The following CHORDC1 variants were observed in gnomAD, a reference collection of about 807,000 sequenced individuals.
The protein encoded by CHORDC1 is cysteine and histidine-rich domain-containing protein 1.
Under a neutral mutation model 48.3 loss-of-function variants are expected in CHORDC1, and 25 were observed. That is an observed-to-expected ratio of 0.52 (90% confidence interval 0.38 to 0.72). The LOEUF is 0.72. Among genes scored for constraint, CHORDC1 ranks in the 30% least tolerant of loss-of-function variants. CHORDC1 has a pLI of 0.00. For missense variants in CHORDC1, 317 were observed against 388.7 expected, an observed-to-expected ratio of 0.82 and a Z score of 1.55; for synonymous variants, 128 against 126.4, an observed-to-expected ratio of 1.01 and a Z score of -0.09.
chr11:90,223,015 G>C lies in CHORDC1; in HGVS notation c.-61C>G, dbSNP rs1288962457. 1.3e-5 allele frequency: 19 copies of C among 1,425,030 alleles called. No homozygotes were observed. The highest frequency in any genetic ancestry group is 1.8e-5 in the Non-Finnish European group (18 of 1,010,874). 88.3% of individuals were successfully genotyped at this position (1,425,030 alleles called of 1,614,324 possible). ...CCGGGAACGGCAAGAGGATGCGTTT[G>C]CCACTCCCGTGTCGCTAGCACCGGT... On this transcript the variant is annotated 5_prime_UTR_variant, in exon 1 of 11. Coordinates refer to ENST00000320585, the MANE Select transcript of CHORDC1 (RefSeq NM_012124.3).
chr11:90,219,353 A>C (rs1429376220), intron 1 of CHORDC1, among the ~76,000 whole-genome samples: 1 of 152,116 alleles, frequency 6.6e-6, no homozygotes, highest in Non-Finnish European at 1.5e-5. Context: ...TCCCCACTAC[A>C]CCATCAATCT....
At chr11:90,206,416 C>G (rs1484085408) in intron 6 of CHORDC1, 144 bp from the exon 7 acceptor site, 1 of 576,692 alleles carries the variant, frequency 1.7e-6, no homozygotes, top group Non-Finnish European at 3.1e-6. Context: ...CCATCCCACG[C>G]CATTCTGTTA....
chr11:90,203,650 C>T (rs1433430865), intron 8 of CHORDC1, among the ~76,000 whole-genome samples: 1 of 151,984 alleles, frequency 6.6e-6, no homozygotes, highest in African/African-American at 2.4e-5. Flanking sequence ...ACACTTACTC[C>T]TTCCCTTTGT....
At chr11:90,210,676 C>A in intron 5 of CHORDC1, 82 bp from the exon 6 acceptor site, 6 of 833,356 alleles carry the variant, frequency 7.2e-6, no homozygotes, top group East Asian at 2.7e-5. Flanking sequence ...TAGGTTTTTC[C>A]AGAAAACAAT....
chr11:90,206,272 T>C lies in CHORDC1; in HGVS notation c.493A>G (p.Thr165Ala), dbSNP rs1464508430. The C allele has an allele frequency of 1.3e-6, 2 of 1,527,864 alleles. No homozygotes were observed. Among genetic ancestry groups the C allele is most frequent in the Non-Finnish European group, 1.8e-6 (2 of 1,104,208 alleles). The allele number at this position is 1,527,864 out of a possible 1,614,324, so 94.6% of individuals were successfully genotyped here. A position where few individuals can be genotyped will look rare whatever the true frequency, so the allele number is the denominator to read the frequency against. The stretch of plus-strand genomic sequence containing the variant: ...TCTAGACTCTCTAGACCCTGGTATG[T>C]CTAAAAAGGAAACAAAGAGAAAAAA... ...TSCKNGGCSK[T>A]YQGLESLEEV... is the part of the protein sequence containing the mutation. Residue 165 changes from threonine (T) to alanine (A), a missense_variant and splice_region_variant, in exon 7 of 11, where the codon ACA (threonine) becomes GCA (alanine). By Grantham distance (58) the Thr-to-Ala change is moderately conservative (BLOSUM62 0). Coordinates refer to ENST00000320585, the MANE Select transcript of CHORDC1 (RefSeq NM_012124.3).
chr11:90,203,540 T>A, intron 8 of CHORDC1, 113 bp from the exon 9 acceptor site: 2 of 980,682 alleles, frequency 2.0e-6, no homozygotes, highest in Non-Finnish European at 2.9e-6. Flanking sequence ...ACTAAGCACT[T>A]AATGTTTAAG....
chr11:90,211,476 C>A, intron 4 of CHORDC1, 158 bp from the exon 5 acceptor site: 1 of 562,622 alleles, frequency 1.8e-6, no homozygotes, highest in Non-Finnish European at 3.2e-6. Flanking sequence ...ATAATTGTTA[C>A]AATGTATCTA....
At chr11:90,212,240 G>A (rs1857887852) in intron 4 of CHORDC1, 1 of 151,984 alleles carries the variant, frequency 6.6e-6, no homozygotes, top group Admixed American at 6.6e-5. Flanking sequence ...ACTGGATCAT[G>A]GGGATGCCTT....
chr11:90,221,504 T>C (rs2135061386), intron 1 of CHORDC1, among the ~76,000 whole-genome samples: 1 of 152,042 alleles, frequency 6.6e-6, no homozygotes. Context: ...TTCCAACAAA[T>C]GACTATCGCC....
In CHORDC1 at chr11:90,202,495, A is replaced by G. The variant is rs201017459; in HGVS notation, c.909T>C (p.Thr303=). ...VTMTATKIEI[T]MRKAEPMQWA... is the part of the protein sequence containing the mutation. ...ACTGCATCGGTTCAGCTTTTCTCATAGTGATTTCAATCTTTGTTGCAGTCA... is the reference window on the plus strand; with the variant it reads ...ACTGCATCGGTTCAGCTTTTCTCATGGTGATTTCAATCTTTGTTGCAGTCA... Residue 303 remains threonine, a synonymous_variant, in exon 11 of 11, where the codon ACT becomes ACC. Transcript: ENST00000320585. 1.5e-5 allele frequency: 24 copies of G among 1,613,006 alleles called. No individual in the cohort carries two copies. In the African/African-American group the frequency reaches 2.1e-4, roughly 14 times the overall value.
chr11:90,219,947 C>G (rs959897441), intron 1 of CHORDC1, among the ~76,000 whole-genome samples: 7 of 152,354 alleles, frequency 4.6e-5, no homozygotes, highest in Admixed American at 3.3e-4. Flanking sequence ...TTTCAATGCT[C>G]TACAACAACC....
intron 1 of CHORDC1, among the ~76,000 whole-genome samples, chr11:90,220,543 G>A (rs1858140683): frequency 6.6e-6 from 1 of 152,082 alleles, no homozygotes; most frequent in Non-Finnish European, 1.5e-5. Flanking sequence ...CAGAGTCAGA[G>A]GCATAAAATG....
intron 10 of CHORDC1, 70 bp downstream of exon 10, chr11:90,202,743 G>T: frequency 1.3e-6 from 2 of 1,498,360 alleles, no homozygotes; most frequent in East Asian, 2.4e-5. Flanking sequence ...GTTTACTGAA[G>T]AATTGTCTTT....
At chr11:90,206,051 C>A (rs1293361708) in intron 7 of CHORDC1, 151 bp downstream of exon 7, 2 of 649,904 alleles carry the variant, frequency 3.1e-6, no homozygotes, top group Non-Finnish European at 5.6e-6. Flanking sequence ...ACATACAAAC[C>A]CCTGTGTTTG....
At chr11:90,213,570 G>A (rs1857926999) in intron 4 of CHORDC1, 4 of 501,180 alleles carry the variant, frequency 8.0e-6, no homozygotes, top group Admixed American at 7.1e-5. Context: ...TAAATCAAAT[G>A]CATTAAAAAT....
chr11:90,210,680 AAAC>A, intron 5 of CHORDC1, 86 bp from the exon 6 acceptor site: 1 of 829,964 alleles, frequency 1.2e-6, no homozygotes, highest in Non-Finnish European at 1.9e-6. Context: ...TTTTTCCAGA[AAAC>A]AATACTTTTT....
intron 4 of CHORDC1, 160 bp downstream of exon 4, chr11:90,213,858 T>C: frequency 1.7e-6 from 1 of 590,130 alleles, no homozygotes; most frequent in African/African-American, 1.9e-5. Context: ...TGAAGAGAAA[T>C]AAAAATTTAA....
chr11:90,216,900 T>C (rs1000583966), intron 2 of CHORDC1, among the ~76,000 whole-genome samples: 4 of 152,180 alleles, frequency 2.6e-5, no homozygotes, highest in African/African-American at 4.8e-5. Flanking sequence ...AGCCAAAGGT[T>C]ACCTTTAAGA....
chr11:90,217,198 A>G (rs755018374), intron 2 of CHORDC1, among the ~76,000 whole-genome samples: 5 of 152,152 alleles, frequency 3.3e-5, no homozygotes, highest in Admixed American at 6.5e-5. Flanking sequence ...AAGTGCCAAA[A>G]CAGTCTAACT....
Sources: gnomAD v4.1 joint callset for allele counts (sites outside exome capture counted in the v4.1 genomes callset) on GRCh38, gnomAD v4.1.1 for gene constraint, MANE v1.5 for transcripts, NCBI Gene and HGNC (gene_info 2026-07-23, HGNC 2026-07-21) for gene names.